TDG: variants seen among roughly 807,000 people sequenced by gnomAD.
TDG encodes the protein G/T mismatch-specific thymine DNA glycosylase.
In TDG, 23 loss-of-function variants were observed where a neutral mutation model predicts 46.1. The observed-to-expected ratio is 0.50, with a 90% confidence interval of 0.36 to 0.71. The LOEUF is 0.71. Among genes scored for constraint, TDG ranks in the 30% least tolerant of loss-of-function variants. The probability of loss-of-function intolerance (pLI) is 0.00; values close to 1 mark genes in which losing one functional copy is unlikely to be tolerated. For missense variants in TDG, 304 were observed against 486.7 expected, an observed-to-expected ratio of 0.62 and a Z score of 3.53; for synonymous variants, 115 against 161.3, an observed-to-expected ratio of 0.71 and a Z score of 2.18.
rs747597510 is a variant in TDG, at chr12:103,980,198, G to A, written c.408+126G>A. 22 of 1,346,082 alleles carry A rather than the reference G, an allele frequency of 1.6e-5. No individual in the cohort carries two copies. In the Middle Eastern group the frequency reaches 6.1e-4, roughly 37 times the overall value. The allele number at this position is 1,346,082 out of a possible 1,614,324, so 83.4% of individuals were successfully genotyped here. On this transcript the variant is annotated intron_variant, in intron 3 of 9. Transcript: ENST00000392872. ...TCTAAGAATCCTTTTGGTGGTAAAT[G>A]GTGTCAGCTTCATGAGGTTGTGTTA...
chr12:103,984,852 TG>T lies in TDG; in HGVS notation c.897del (p.Gly301AlafsTer63), dbSNP rs760753771. 6.2e-7 allele frequency: 1 copy of T among 1,613,634 alleles called. No homozygotes were observed. The highest frequency in any genetic ancestry group is 1.1e-5 in the South Asian group (1 of 91,058). On this transcript the variant is annotated frameshift_variant, in exon 8 of 10. Transcript: ENST00000392872. LOFTEE classifies it high-confidence loss of function. ...YIKLKDLRDQ[L>X]KGIERNMDVQ... ...AAACTGAAGGACTTAAGAGATCAGT[TG>T]AAAGGCATTGAACGAAATATGGACG...
intron 9 of TDG, 64 bp from the exon 10 acceptor site, chr12:103,986,884 C>G: frequency 6.4e-7 from 1 of 1,572,654 alleles, no homozygotes; most frequent in Non-Finnish European, 8.6e-7. Context: ...GACCCAGTCT[C>G]TACTTTAAAA....
chr12:103,968,243 A>G (rs1871145089), intron 1 of TDG, among the ~76,000 whole-genome samples: 1 of 152,216 alleles, frequency 6.6e-6, no homozygotes, highest in Admixed American at 6.5e-5. Context: ...CCGTGACCTC[A>G]GGCGTGAAAA....
chr12:103,968,118 C>G (rs1020216101), intron 1 of TDG: 4 of 152,190 alleles, frequency 2.6e-5, no homozygotes, highest in African/African-American at 9.7e-5. Flanking sequence ...AGCCAAAGCG[C>G]CCAGCCTAGA....
At chr12:103,980,297 G>C (rs1871761464) in intron 3 of TDG, 3 of 560,256 alleles carry the variant, frequency 5.4e-6, no homozygotes, top group Non-Finnish European at 9.0e-6. Flanking sequence ...GTATAATCTT[G>C]GATAAGTCTT....
At chr12:103,974,906 C>T (rs1448210886) in intron 1 of TDG, among the ~76,000 whole-genome samples, 3 of 142,936 alleles carry the variant, frequency 2.1e-5, no homozygotes, top group Non-Finnish European at 3.0e-5. Context: ...ACCCGGGAGG[C>T]GGAGCTTGCA....
At chr12:103,966,096 C>G (rs777517734) in intron 1 of TDG, 36 bp downstream of exon 1, 25 of 1,538,432 alleles carry the variant, frequency 1.6e-5, no homozygotes, top group Non-Finnish European at 2.1e-5. Flanking sequence ...TCCCTTGCGC[C>G]CCTCACTGCT....
At chr12:103,986,632 G>T in intron 9 of TDG, 1 of 207,854 alleles carries the variant, frequency 4.8e-6, no homozygotes, top group Non-Finnish European at 1.0e-5. Context: ...GCCTCTCCTC[G>T]ATCCCGGGAG....
rs145069424 is a variant in TDG, at chr12:103,984,101, A to G, written c.793-648A>G. ...AAACCTAAAAATGTTTCTGCCACCTAAATATATTTAAATTTCTCCTTTAAA... is the reference window on the plus strand; with the variant it reads ...AAACCTAAAAATGTTTCTGCCACCTGAATATATTTAAATTTCTCCTTTAAA... On this transcript the variant is annotated intron_variant, in intron 7 of 9. Transcript: ENST00000392872. Among the ~76,000 whole-genome samples the G allele has an allele frequency of 9.0e-3, 1,368 of 152,326 alleles. 12 individuals are homozygous for G. Among genetic ancestry groups the G allele is most frequent in the Non-Finnish European group, 0.012 (816 of 68,032 alleles).
chr12:103,974,868 G>C (rs1011936887), intron 1 of TDG, among the ~76,000 whole-genome samples: 1 of 151,540 alleles, frequency 6.6e-6, no homozygotes, highest in Non-Finnish European at 1.5e-5. Flanking sequence ...CCAGCTACTC[G>C]GGAGGCTGAG....
chr12:103,978,889 A>G (rs1223727548), intron 2 of TDG, among the ~76,000 whole-genome samples: 1 of 152,094 alleles, frequency 6.6e-6, no homozygotes, highest in Non-Finnish European at 1.5e-5. Flanking sequence ...GCCACCCACA[A>G]CAAAAAATTA....
At position 103,985,502 on chromosome 12, in the gene TDG, A is replaced by G. The variant is rs542949793; in HGVS notation, c.965-101A>G. 35 of 1,319,460 alleles carry G rather than the reference A, an allele frequency of 2.7e-5. No individual in the cohort carries two copies. In the South Asian group the frequency reaches 4.7e-4, roughly 18 times the overall value. 81.7% of individuals were successfully genotyped at this position (1,319,460 alleles called of 1,614,324 possible). ...TTAATAGAGATGTATCTCAGTGTAT[A>G]TGAATATTCAAGAAAAAGAATTGTT... is the stretch of plus-strand genomic sequence containing the variant. On this transcript the variant is annotated intron_variant, in intron 8 of 9. Transcript: ENST00000392872.
At position 103,965,915 on chromosome 12, in the gene TDG, C is replaced by A; in HGVS notation, c.-123C>A. The A allele has an allele frequency of 7.0e-7, 1 of 1,436,952 alleles. No homozygotes were observed. The highest frequency in any genetic ancestry group is 1.3e-5 in the South Asian group (1 of 76,160). 89.0% of individuals were successfully genotyped at this position (1,436,952 alleles called of 1,614,324 possible). A position where few individuals can be genotyped will look rare whatever the true frequency, so the allele number is the denominator to read the frequency against. ...CTTGAGTCCAGCCACTGTCTGGGTA[C>A]TGCCAGCCATCGGGCCCAGGTCTCT... On this transcript the variant is annotated 5_prime_UTR_variant, in exon 1 of 10. It adds an upstream start codon to the 5' untranslated region. Transcript: ENST00000392872.
At chr12:103,976,429 C>T (rs1871546621) in intron 1 of TDG, among the ~76,000 whole-genome samples, 1 of 152,038 alleles carries the variant, frequency 6.6e-6, no homozygotes, top group African/African-American at 2.4e-5. Context: ...CACACACACA[C>T]ACACACAAAC....
chr12:103,965,880 G>C lies in TDG; in HGVS notation c.-158G>C. ...GGTCCGTGGGGGACGGTAGAAGCCT[G>C]GAGGAGGAGCTTGAGTCCAGCCACT... On this transcript the variant is annotated 5_prime_UTR_variant, in exon 1 of 10. Transcript: ENST00000392872. 8.4e-7 allele frequency: 1 copy of C among 1,195,078 alleles called. No individual in the cohort carries two copies. 74.0% of individuals were successfully genotyped at this position (1,195,078 alleles called of 1,614,324 possible).
At chr12:103,966,085 C>T (rs751248720) in intron 1 of TDG, 25 bp downstream of exon 1, 2 of 1,554,646 alleles carry the variant, frequency 1.3e-6, no homozygotes, top group Admixed American at 1.9e-5. Flanking sequence ...AGCGCCGCCC[C>T]TCCCTTGCGC....
At position 103,985,703 on chromosome 12, in the gene TDG, T is replaced by C; in HGVS notation, c.1065T>C (p.Pro355=). 6.2e-7 allele frequency: 1 copy of C among 1,613,930 alleles called. No homozygotes were observed. The highest frequency in any genetic ancestry group is 1.3e-5 in the African/African-American group (1 of 75,070). Reference sequence around the variant, plus strand: ...GAGAAAATCCATGCAGCAGTGAACCTTGTGGCTTCTCTTCAAATGGGCTAA... The same window carrying C: ...GAGAAAATCCATGCAGCAGTGAACCCTGTGGCTTCTCTTCAAATGGGCTAA... ...AYGENPCSSE[P]CGFSSNGLIE... is the part of the protein sequence containing the mutation. The change falls in exon 9 of 10, where the codon CCT becomes CCC. Residue 355 remains proline, a synonymous_variant. Coordinates refer to ENST00000392872, the MANE Select transcript of TDG (RefSeq NM_003211.6).
chr12:103,975,335 T>C (rs1333825513), intron 1 of TDG, among the ~76,000 whole-genome samples: 5 of 152,226 alleles, frequency 3.3e-5, no homozygotes, highest in Non-Finnish European at 7.3e-5. Context: ...TTACAAAATA[T>C]CCATTTCATG....
chr12:103,975,582 A>G (rs1871494289), intron 1 of TDG, among the ~76,000 whole-genome samples: 1 of 152,142 alleles, frequency 6.6e-6, no homozygotes, highest in South Asian at 2.1e-4. Context: ...TCATCCACTC[A>G]TCGTGTTATC....
Sources: allele counts gnomAD v4.1 joint callset (sites outside exome capture counted in the v4.1 genomes callset), GRCh38; gene constraint gnomAD v4.1.1; transcripts MANE v1.5; gene names NCBI Gene and HGNC (gene_info 2026-07-23, HGNC 2026-07-21).